The following MGAT4C variants were observed in gnomAD, a reference collection of about 807,000 sequenced individuals.
MGAT4C encodes the protein alpha-1,3-mannosyl-glycoprotein 4-beta-N-acetylglucosaminyltransferase C.
MGAT4C carries 19 observed loss-of-function variants against 40.1 expected under a neutral mutation model. The ratio of observed to expected loss-of-function variants is 0.47; its 90% confidence interval spans 0.33 to 0.70. The LOEUF is 0.70. Among genes scored for constraint, MGAT4C ranks in the 30% least tolerant of loss-of-function variants. The pLI is 0.02. For synonymous variants in MGAT4C, 181 were observed against 187.1 expected (o/e 0.97, Z 0.27); for missense variants, 491 against 563.2 (o/e 0.87, Z 1.30).
intron 2 of MGAT4C, among the ~76,000 whole-genome samples, chr12:86,643,794 T>G (rs777190426): frequency 6.6e-6 from 1 of 151,826 alleles, no homozygotes; most frequent in Non-Finnish European, 1.5e-5. Context: ...GATAATACAC[T>G]AAATTGTATA....
rs144862164 is a variant in MGAT4C at position 86,684,921 on chromosome 12, G to T, written c.-229+42288C>A. On this transcript the variant is annotated intron_variant, in intron 2 of 7. Coordinates refer to the MGAT4C transcript ENST00000548651. The stretch of plus-strand genomic sequence containing the variant: ...GGTGAATTTGTTTAAGTTCCTTTTA[G>T]ATTCTGGATATGAGCTCTTTGTCAG... 8.1e-4 allele frequency among the ~76,000 whole-genome samples: 123 copies of T among 151,932 alleles called. 2 individuals carry two copies. The highest frequency in any genetic ancestry group is 2.8e-3 in the African/African-American group (118 of 41,420).
At chr12:86,432,531 G>T (rs369636253) in intron 3 of MGAT4C, among the ~76,000 whole-genome samples, 11 of 151,970 alleles carry the variant, frequency 7.2e-5, no homozygotes, top group African/African-American at 2.7e-4. Flanking sequence ...GTGGGGTCAT[G>T]CAAGTTGGGA....
At chr12:86,205,271 A>C (rs940985141) in intron 1 of MGAT4C, among the ~76,000 whole-genome samples, 2 of 151,704 alleles carry the variant, frequency 1.3e-5, no homozygotes, top group Non-Finnish European at 3.0e-5. Flanking sequence ...CAATATTCAT[A>C]TTCATATATG....
At chr12:86,082,305 A>G (rs750155580) in intron 1 of MGAT4C, among the ~76,000 whole-genome samples, 8 of 152,124 alleles carry the variant, frequency 5.3e-5, no homozygotes, top group Non-Finnish European at 1.2e-4. Flanking sequence ...AACCATCTCT[A>G]AGCAATTTCA....
At chr12:86,486,717 C>T (rs986180251) in intron 2 of MGAT4C, among the ~76,000 whole-genome samples, 4 of 152,130 alleles carry the variant, frequency 2.6e-5, no homozygotes, top group African/African-American at 9.7e-5. Flanking sequence ...TGAACACTCA[C>T]AAAAGTGGAC....
At chr12:86,599,856 T>G (rs952213806) in intron 2 of MGAT4C, among the ~76,000 whole-genome samples, 17 of 152,176 alleles carry the variant, frequency 1.1e-4, no homozygotes, top group African/African-American at 4.1e-4. Flanking sequence ...TTCAAAAATA[T>G]TTATCAAACC....
intron 1 of MGAT4C, among the ~76,000 whole-genome samples, chr12:86,071,856 G>T (rs1868549904): frequency 6.6e-6 from 1 of 152,034 alleles, no homozygotes; most frequent in Non-Finnish European, 1.5e-5. Flanking sequence ...CTTAACTAGG[G>T]TATTATTCTG....
chr12:86,634,990 A>G (rs1322828668), intron 2 of MGAT4C, among the ~76,000 whole-genome samples: 1 of 152,160 alleles, frequency 6.6e-6, no homozygotes, highest in Non-Finnish European at 1.5e-5. Flanking sequence ...TCCTGTTGGC[A>G]TAAACACATC....
At chr12:86,544,671 T>C (rs933728821) in intron 2 of MGAT4C, among the ~76,000 whole-genome samples, 5 of 152,146 alleles carry the variant, frequency 3.3e-5, no homozygotes, top group Non-Finnish European at 7.4e-5. Flanking sequence ...CTATTAAATA[T>C]AGCACTGCTT....
intron 2 of MGAT4C, among the ~76,000 whole-genome samples, chr12:86,537,381 A>C (rs1323337406): frequency 2.0e-5 from 3 of 151,968 alleles, no homozygotes; most frequent in Admixed American, 6.6e-5. Context: ...CAAAAAAAAA[A>C]CAACAGTTAA....
At chr12:86,577,065 G>A (rs1343664080) in intron 2 of MGAT4C, among the ~76,000 whole-genome samples, 2 of 151,478 alleles carry the variant, frequency 1.3e-5, no homozygotes, top group African/African-American at 2.4e-5. Flanking sequence ...TTAATTTTAT[G>A]TGTGACTATT....
intron 2 of MGAT4C, among the ~76,000 whole-genome samples, chr12:86,451,101 C>A (rs1271096581): frequency 1.3e-5 from 2 of 151,988 alleles, no homozygotes; most frequent in Admixed American, 1.3e-4. Context: ...GAGGTGGGGC[C>A]TAGTAGGAGG....
intron 2 of MGAT4C, among the ~76,000 whole-genome samples, chr12:86,561,721 C>T (rs113940156): frequency 1.3e-4 from 20 of 152,154 alleles, no homozygotes; most frequent in Non-Finnish European, 2.4e-4. Flanking sequence ...TGAGTCAATG[C>T]TCCTCAATAA....
intron 1 of MGAT4C, among the ~76,000 whole-genome samples, chr12:86,189,267 T>A (rs1035720220): frequency 5.9e-5 from 9 of 152,114 alleles, no homozygotes; most frequent in Middle Eastern, 3.4e-3. Context: ...CATAAAATTA[T>A]TTTTACATTT....
intron 3 of MGAT4C, among the ~76,000 whole-genome samples, chr12:86,361,459 T>C: frequency 6.6e-6 from 1 of 152,262 alleles, no homozygotes; most frequent in African/African-American, 2.4e-5. Flanking sequence ...TCAAAAGCAA[T>C]GGCAACAAAA....
At chr12:86,543,539 G>T (rs1346161047) in intron 2 of MGAT4C, among the ~76,000 whole-genome samples, 12 of 151,748 alleles carry the variant, frequency 7.9e-5, no homozygotes, top group Non-Finnish European at 1.8e-4. Flanking sequence ...TATGTTCCAG[G>T]TATAGTACTA....
intron 1 of MGAT4C, among the ~76,000 whole-genome samples, chr12:86,763,532 T>A (rs764253229): frequency 6.6e-6 from 1 of 152,218 alleles, no homozygotes; most frequent in Middle Eastern, 3.2e-3. Flanking sequence ...ATTTTATACA[T>A]CTTTGTATCA....
In MGAT4C at chr12:86,067,563, G is replaced by C. The variant is rs1052632969; in HGVS notation, c.-56-17840C>G. ...CACACACCGGGGCCTGTTGGGGGGT[G>C]GGGGGATAGCGGAGGAGTAGCGTTA... is the stretch of plus-strand genomic sequence containing the variant. On this transcript the variant is annotated intron_variant, in intron 1 of 4. Transcript: ENST00000611864. 2.6e-5 allele frequency among the ~76,000 whole-genome samples: 4 copies of C among 152,042 alleles called. No homozygotes were observed. The South Asian group carries it at 6.3e-4, about 24-fold the overall frequency.
At chr12:86,430,363 G>A (rs1213967474) in intron 3 of MGAT4C, among the ~76,000 whole-genome samples, 1 of 151,618 alleles carries the variant, frequency 6.6e-6, no homozygotes, top group African/African-American at 2.4e-5. Context: ...CTGCACATTT[G>A]AGGGAATAGT....
Sources: allele counts gnomAD v4.1 joint callset (sites outside exome capture counted in the v4.1 genomes callset), GRCh38; gene constraint gnomAD v4.1.1; transcripts MANE v1.5; gene names NCBI Gene and HGNC (gene_info 2026-07-23, HGNC 2026-07-21).